Variants in USH2A observed in about 807,000 individuals in gnomAD.
USH2A encodes the protein Usher syndrome 2A (autosomal recessive, mild).
USH2A carries 443 observed loss-of-function variants against 538.9 expected under a neutral mutation model. That is an observed-to-expected ratio of 0.82 (90% confidence interval 0.76 to 0.89). The LOEUF (loss-of-function observed/expected upper bound fraction) is 0.89. Among genes scored for constraint, USH2A ranks in the 40% least tolerant of loss-of-function variants. USH2A has a pLI of 0.00. For missense variants in USH2A, 6,633 were observed against 6,324.8 expected, an observed-to-expected ratio of 1.05 and a Z score of -1.65; for synonymous variants, 2,413 against 2,273.5, an observed-to-expected ratio of 1.06 and a Z score of -1.75.
intron 61 of USH2A, among the ~76,000 whole-genome samples, chr1:215,707,023 G>T (rs948976276): frequency 2.6e-5 from 4 of 152,118 alleles, no homozygotes; most frequent in African/African-American, 9.7e-5. Flanking sequence ...AGAAGTTGTG[G>T]TTCTTATTTT....
intron 21 of USH2A, among the ~76,000 whole-genome samples, chr1:216,149,215 C>G (rs1254449747): frequency 6.6e-6 from 1 of 152,176 alleles, no homozygotes; most frequent in African/African-American, 2.4e-5. Flanking sequence ...TGCTTTAATA[C>G]TGTTAGAGGC....
At chr1:215,825,909 G>T (rs1035773715) in intron 47 of USH2A, among the ~76,000 whole-genome samples, 1 of 152,148 alleles carries the variant, frequency 6.6e-6, no homozygotes, top group African/African-American at 2.4e-5. Context: ...TTAATAAAAA[G>T]GAACACACAT....
At chr1:216,387,971 A>G (rs1209433007) in intron 3 of USH2A, among the ~76,000 whole-genome samples, 2 of 152,058 alleles carry the variant, frequency 1.3e-5, no homozygotes, top group African/African-American at 4.8e-5. Flanking sequence ...CTTTTGTCCA[A>G]ACCTCCTGAG....
chr1:215,933,424 G>A (rs1166697645), intron 38 of USH2A, among the ~76,000 whole-genome samples: 17 of 151,830 alleles, frequency 1.1e-4, no homozygotes, highest in Admixed American at 2.6e-4. Context: ...AACCTGAGTT[G>A]ATCAGCCTCA....
chr1:215,931,783 A>T (rs1396868317), intron 38 of USH2A, among the ~76,000 whole-genome samples: 2 of 152,026 alleles, frequency 1.3e-5, no homozygotes, highest in Non-Finnish European at 2.9e-5. Flanking sequence ...AGTAAGAAAC[A>T]GTTCCTACTC....
At position 215,764,970 on chromosome 1, in the gene USH2A, ATAAAGT is replaced by A. The variant is rs1661088170; in HGVS notation, c.11047+1705_11047+1710del. 2.0e-5 allele frequency among the ~76,000 whole-genome samples: 3 copies of A among 151,758 alleles called. No homozygotes were observed. The South Asian group carries it at 6.2e-4, about 31-fold the overall frequency. On this transcript the variant is annotated intron_variant, in intron 56 of 71. Coordinates refer to ENST00000307340, the MANE Select transcript of USH2A (RefSeq NM_206933.4). Reference sequence around the variant, plus strand: ...ATTATTTGTGTTAGAGGAAAGATACATAAAGTTAAAAAAAAAAAAGAAATCAAGGGC... The same window carrying A: ...ATTATTTGTGTTAGAGGAAAGATACATAAAAAAAAAAAAGAAATCAAGGGC...
At chr1:216,268,467 G>A (rs1279185343) in intron 11 of USH2A, among the ~76,000 whole-genome samples, 1 of 152,126 alleles carries the variant, frequency 6.6e-6, no homozygotes, top group African/African-American at 2.4e-5. Flanking sequence ...TAAAGATGAA[G>A]TGGAAGTATT....
chr1:216,157,037 C>G (rs1040927950), intron 21 of USH2A, among the ~76,000 whole-genome samples: 32 of 152,012 alleles, frequency 2.1e-4, no homozygotes, highest in African/African-American at 7.0e-4. Flanking sequence ...CCATGCCCAG[C>G]TAATTTTTGT....
intron 14 of USH2A, among the ~76,000 whole-genome samples, chr1:216,227,928 AC>A (rs1306242084): frequency 6.6e-6 from 1 of 152,114 alleles, no homozygotes. Flanking sequence ...TCTGGAGCTG[AC>A]CCCACAGTAC....
chr1:215,955,454 C>T (rs1667040010), intron 37 of USH2A, among the ~76,000 whole-genome samples: 1 of 152,084 alleles, frequency 6.6e-6, no homozygotes, highest in Admixed American at 6.6e-5. Context: ...TGTCTTGTTC[C>T]ATAAAACAAG....
At chr1:215,900,684 C>T in intron 39 of USH2A, 71 bp downstream of exon 39, 2 of 1,602,824 alleles carry the variant, frequency 1.2e-6, no homozygotes, top group Non-Finnish European at 1.7e-6. Flanking sequence ...TGAGAACTGA[C>T]CTACTCTTCA....
intron 41 of USH2A, among the ~76,000 whole-genome samples, chr1:215,880,280 T>C (rs1167807445): frequency 1.3e-5 from 2 of 152,166 alleles, no homozygotes; most frequent in African/African-American, 4.8e-5. Context: ...AGGAAGACTA[T>C]GACCTGAGAT....
intron 13 of USH2A, among the ~76,000 whole-genome samples, chr1:216,232,540 T>C (rs538895367): frequency 6.6e-6 from 1 of 152,310 alleles, no homozygotes; most frequent in South Asian, 2.1e-4. Context: ...TTCTAACAAA[T>C]AATGAAATTT....
chr1:215,974,017 A>T (rs1320346927), intron 35 of USH2A, among the ~76,000 whole-genome samples: 1 of 151,550 alleles, frequency 6.6e-6, no homozygotes, highest in Admixed American at 6.6e-5. Flanking sequence ...ATTTGACAGC[A>T]TATGGAGGAA....
intron 55 of USH2A, among the ~76,000 whole-genome samples, chr1:215,774,408 C>G (rs1219907761): frequency 6.6e-6 from 1 of 151,126 alleles, no homozygotes; most frequent in East Asian, 2.0e-4. Context: ...CAAGGAAAGA[C>G]CCTTTTTCTT....
chr1:215,948,785 G>A (rs1459464670), intron 37 of USH2A, among the ~76,000 whole-genome samples: 1 of 151,950 alleles, frequency 6.6e-6, no homozygotes, highest in Non-Finnish European at 1.5e-5. Flanking sequence ...CAATGGATAG[G>A]AATATTTGAA....
rs765566223 is a variant in USH2A at position 215,998,965 on chromosome 1, G to A, written c.6579C>T (p.Ile2193=). Residue 2193 remains isoleucine (I), a synonymous_variant, in exon 34 of 72, where the codon ATC becomes ATT. Coordinates refer to ENST00000307340, the MANE Select transcript of USH2A (RefSeq NM_206933.4). ...HTHDFTIWSV[I]YNSTELFQDH... is the part of the protein sequence containing the mutation. ...CCTGGAAAAGTTCTGTACTGTTATA[G>A]ATGACACTCCAAATTGTAAAATCAT... 1 of 1,612,996 alleles carries A rather than the reference G, an allele frequency of 6.2e-7. No homozygotes were observed. Among genetic ancestry groups the A allele is most frequent in the Admixed American group, 1.7e-5 (1 of 59,946 alleles).
chr1:215,643,331 A>G (rs1172039859), intron 67 of USH2A, among the ~76,000 whole-genome samples: 1 of 152,082 alleles, frequency 6.6e-6, no homozygotes, highest in African/African-American at 2.4e-5. Flanking sequence ...TCTCTGGTGC[A>G]TGTTTTCGTG....
At chr1:216,365,999 C>CA (rs2102709921) in intron 3 of USH2A, among the ~76,000 whole-genome samples, 1 of 152,250 alleles carries the variant, frequency 6.6e-6, no homozygotes, top group South Asian at 2.1e-4. Context: ...GGAAAACACC[C>CA]ATAGATACCT....
Sources: allele counts gnomAD v4.1 joint callset (sites outside exome capture counted in the v4.1 genomes callset), GRCh38; gene constraint gnomAD v4.1.1; transcripts MANE v1.5; gene names NCBI Gene and HGNC (gene_info 2026-07-23, HGNC 2026-07-21).